Variants in CCSER1 observed in about 807,000 individuals in gnomAD.
The protein encoded by CCSER1 is coiled-coil serine rich protein 1.
In CCSER1, 41 loss-of-function variants were observed where a neutral mutation model predicts 82.0. The observed-to-expected ratio is 0.50, with a 90% confidence interval of 0.39 to 0.65. The LOEUF (loss-of-function observed/expected upper bound fraction) is 0.65. CCSER1 is among the 30% of genes least tolerant of loss of function. The pLI, the probability that CCSER1 is intolerant of heterozygous loss-of-function variation, is 0.00. For missense variants in CCSER1, 1,119 were observed against 1,064.2 expected (o/e 1.05, Z -0.72); for synonymous variants, 414 against 383.9 (o/e 1.08, Z -0.92).
At chr4:90,463,636 A>G (rs1391738099) in intron 4 of CCSER1, among the ~76,000 whole-genome samples, 1 of 152,130 alleles carries the variant, frequency 6.6e-6, no homozygotes, top group East Asian at 1.9e-4. Context: ...AAAAGTGAAC[A>G]CTCTACCAAG....
chr4:90,971,194 TCA>T (rs575778764), intron 9 of CCSER1, among the ~76,000 whole-genome samples: 100 of 151,990 alleles, frequency 6.6e-4, no homozygotes, highest in African/African-American at 2.3e-3. Flanking sequence ...TTTAATTGAC[TCA>T]CAGTTCCACA....
intron 10 of CCSER1, among the ~76,000 whole-genome samples, chr4:91,157,818 C>T (rs760616625): frequency 2.0e-5 from 3 of 152,020 alleles, no homozygotes; most frequent in African/African-American, 4.8e-5. Context: ...AATGGCCAAA[C>T]ATCTTTTTGA....
chr4:90,355,329 G>T (rs1378841775), intron 3 of CCSER1, among the ~76,000 whole-genome samples: 1 of 151,954 alleles, frequency 6.6e-6, no homozygotes, highest in Non-Finnish European at 1.5e-5. Context: ...GAAAAAGAAA[G>T]AAAGAAACAG....
At chr4:91,161,429 A>C (rs1731387281) in intron 10 of CCSER1, among the ~76,000 whole-genome samples, 2 of 152,188 alleles carry the variant, frequency 1.3e-5, no homozygotes, top group South Asian at 2.1e-4. Context: ...GTTTTTTCCA[A>C]TTCTGTGAGG....
intron 6 of CCSER1, among the ~76,000 whole-genome samples, chr4:90,700,651 T>C (rs1014279248): frequency 3.9e-5 from 6 of 152,180 alleles, no homozygotes; most frequent in African/African-American, 1.4e-4. Context: ...CCAGCACCTG[T>C]TGTTTCCTGA....
chr4:90,898,036 A>G (rs528465024), intron 8 of CCSER1, among the ~76,000 whole-genome samples: 103 of 151,992 alleles, frequency 6.8e-4, no homozygotes, highest in African/African-American at 2.4e-3. Flanking sequence ...ATAGTATGCA[A>G]ATATTTTCTC....
At chr4:90,745,510 T>G (rs1747263415) in intron 7 of CCSER1, among the ~76,000 whole-genome samples, 1 of 152,072 alleles carries the variant, frequency 6.6e-6, no homozygotes, top group Admixed American at 6.5e-5. Context: ...ACAAGTAAGA[T>G]CAGGATTTTA....
intron 8 of CCSER1, chr4:90,911,151 A>G: frequency 2.6e-6 from 1 of 380,190 alleles, no homozygotes; most frequent in South Asian, 2.1e-5. Flanking sequence ...AAATCTGGGT[A>G]ATGATTGCAT....
chr4:91,296,363 A>G (rs1193728804), intron 10 of CCSER1, among the ~76,000 whole-genome samples: 2 of 150,256 alleles, frequency 1.3e-5, no homozygotes. Context: ...CCCATATACT[A>G]TAATTTTTCC....
At chr4:91,524,255 A>G (rs1578694465) in intron 10 of CCSER1, among the ~76,000 whole-genome samples, 2 of 152,220 alleles carry the variant, frequency 1.3e-5, no homozygotes, top group South Asian at 4.1e-4. Context: ...ATTGTTAACA[A>G]CAGAGGTTAT....
rs945186749 is a variant in CCSER1, at chr4:90,605,081, C to G, written c.1725-22944C>G. 5.9e-5 allele frequency among the ~76,000 whole-genome samples: 9 copies of G among 152,206 alleles called. No homozygotes were observed. The East Asian group carries it at 1.2e-3, about 20-fold the overall frequency. On this transcript the variant is annotated intron_variant, in intron 5 of 10. Coordinates refer to ENST00000509176, the MANE Select transcript of CCSER1 (RefSeq NM_001145065.2). ...TGCTGACTCTTTGGGTTTGAGCCGC[C>G]TTTATGAGCTGTAATGTTCACCATG...
At chr4:90,694,883 T>C (rs898980065) in intron 6 of CCSER1, among the ~76,000 whole-genome samples, 1 of 151,490 alleles carries the variant, frequency 6.6e-6, no homozygotes, top group African/African-American at 2.4e-5. Context: ...GCTATGATCC[T>C]CAATTTTACA....
intron 6 of CCSER1, among the ~76,000 whole-genome samples, chr4:90,628,634 C>G (rs1030390957): frequency 6.6e-6 from 1 of 152,056 alleles, no homozygotes; most frequent in East Asian, 1.9e-4. Context: ...TTTATTTAGT[C>G]ATTTTTGTTC....
intron 7 of CCSER1, among the ~76,000 whole-genome samples, chr4:90,779,045 A>G (rs1753372287): frequency 6.6e-6 from 1 of 152,138 alleles, no homozygotes; most frequent in African/African-American, 2.4e-5. Context: ...ATTTCCCTCA[A>G]TGGATCTTCC....
At chr4:90,553,203 C>T (rs745695242) in intron 5 of CCSER1, among the ~76,000 whole-genome samples, 5 of 152,074 alleles carry the variant, frequency 3.3e-5, no homozygotes, top group Non-Finnish European at 7.4e-5. Context: ...GATCTAACCT[C>T]GTGATCTACC....
At chr4:90,493,347 A>C (rs542689385) in intron 5 of CCSER1, among the ~76,000 whole-genome samples, 2 of 152,296 alleles carry the variant, frequency 1.3e-5, no homozygotes, top group African/African-American at 4.8e-5. Flanking sequence ...TCTGCAGGAT[A>C]TTATACAGGA....
In CCSER1 at chr4:90,373,687, G is replaced by A. The variant is rs544174277; in HGVS notation, c.1510-26349G>A. On this transcript the variant is annotated intron_variant, in intron 3 of 10. Transcript: ENST00000509176. ...GGGGGAACATTCTAGGTCTTTCATG[G>A]GAGACAATTCTTCATGGGTCTCCAG... 2.0e-5 allele frequency among the ~76,000 whole-genome samples: 3 copies of A among 152,132 alleles called. No individual in the cohort carries two copies. The East Asian group carries it at 5.8e-4, about 29-fold the overall frequency.
At chr4:91,079,480 A>C (rs1008989718) in intron 9 of CCSER1, among the ~76,000 whole-genome samples, 14 of 151,718 alleles carry the variant, frequency 9.2e-5, no homozygotes, top group African/African-American at 3.4e-4. Context: ...ATGCCAAATA[A>C]GGCCATCAAT....
intron 8 of CCSER1, among the ~76,000 whole-genome samples, chr4:90,916,185 A>C (rs1727373350): frequency 6.6e-6 from 1 of 152,142 alleles, no homozygotes; most frequent in Non-Finnish European, 1.5e-5. Context: ...ATATGGAACC[A>C]AAAAAGAGCC....
Sources: allele counts gnomAD v4.1 joint callset (sites outside exome capture counted in the v4.1 genomes callset), GRCh38; gene constraint gnomAD v4.1.1; transcripts MANE v1.5; gene names NCBI Gene and HGNC (gene_info 2026-07-23, HGNC 2026-07-21).